CNTNAP2: variants seen among roughly 807,000 people sequenced by gnomAD.
The protein encoded by CNTNAP2 is contactin associated protein 2.
CNTNAP2 carries 98 observed loss-of-function variants against 155.2 expected under a neutral mutation model. That is an observed-to-expected ratio of 0.63 (90% CI 0.54 to 0.75). The LOEUF (loss-of-function observed/expected upper bound fraction) is 0.75. CNTNAP2 is among the 30% of genes least tolerant of loss of function. The pLI, the probability that CNTNAP2 is intolerant of heterozygous loss-of-function variation, is 0.00. For synonymous variants in CNTNAP2, 651 were observed against 631.2 expected (o/e 1.03, Z -0.47); for missense variants, 1,727 against 1,688.1 (o/e 1.02, Z -0.40).
chr7:146,646,600 G>A lies in CNTNAP2; in HGVS notation c.98-127671G>A, dbSNP rs537113913. ...CTAATTCATCCTTAAGTACATTTCC[G>A]GAAGTTCCTCTGTTGGTGGACATAT... is the stretch of plus-strand genomic sequence containing the variant. On this transcript the variant is annotated intron_variant, in intron 1 of 23. Coordinates refer to ENST00000361727, the MANE Select transcript of CNTNAP2 (RefSeq NM_014141.6). Among the ~76,000 whole-genome samples the A allele has an allele frequency of 3.0e-3, 461 of 152,052 alleles. 3 individuals are homozygous for A. The highest frequency in any genetic ancestry group is 0.011 in the African/African-American group (440 of 41,494).
chr7:147,200,256 T>G lies in CNTNAP2; in HGVS notation c.1348+67747T>G, dbSNP rs538542126. On this transcript the variant is annotated intron_variant, in intron 8 of 23. Transcript: ENST00000361727. The stretch of plus-strand genomic sequence containing the variant: ...TTAGACAGAGTAATGCCAAGACTTG[T>G]GAGAGGGCTGAGATTTCACTCTGCT... 1.3e-3 allele frequency among the ~76,000 whole-genome samples: 195 copies of G among 152,218 alleles called. 1 individual carries two copies. The highest frequency in any genetic ancestry group is 4.1e-3 in the African/African-American group (172 of 41,530).
intron 15 of CNTNAP2, among the ~76,000 whole-genome samples, chr7:148,062,322 A>G (rs1201910344): frequency 6.6e-6 from 1 of 152,152 alleles, no homozygotes; most frequent in Non-Finnish European, 1.5e-5. Flanking sequence ...AATTATGGCA[A>G]GCGATTCATT....
intron 15 of CNTNAP2, among the ~76,000 whole-genome samples, chr7:148,104,140 G>C (rs1256908256): frequency 6.6e-6 from 1 of 152,088 alleles, no homozygotes; most frequent in Non-Finnish European, 1.5e-5. Context: ...GGGTTATCTT[G>C]ATGCTTTACT....
chr7:148,271,317 A>G (rs377705681), intron 21 of CNTNAP2, among the ~76,000 whole-genome samples: 7 of 152,192 alleles, frequency 4.6e-5, no homozygotes, highest in Admixed American at 1.3e-4. Flanking sequence ...ATTCTTTATT[A>G]TGGGGCTGTC....
At chr7:148,194,607 GC>G (rs1374397941) in intron 18 of CNTNAP2, among the ~76,000 whole-genome samples, 1 of 152,106 alleles carries the variant, frequency 6.6e-6, no homozygotes, top group African/African-American at 2.4e-5. Flanking sequence ...GCCCAGGAAA[GC>G]CCATGGTGTA....
intron 10 of CNTNAP2, among the ~76,000 whole-genome samples, chr7:147,472,963 C>A (rs1244343977): frequency 6.6e-6 from 1 of 152,176 alleles, no homozygotes; most frequent in Non-Finnish European, 1.5e-5. Flanking sequence ...AAGTTTAGAG[C>A]CTTCTTAGAG....
intron 8 of CNTNAP2, among the ~76,000 whole-genome samples, chr7:147,268,163 G>A (rs963226110): frequency 2.6e-5 from 4 of 152,032 alleles, no homozygotes; most frequent in African/African-American, 9.7e-5. Context: ...AGATTAGAAT[G>A]AATCTACCAT....
At chr7:147,829,385 CTTGA>C (rs1798513054) in intron 13 of CNTNAP2, among the ~76,000 whole-genome samples, 1 of 152,126 alleles carries the variant, frequency 6.6e-6, no homozygotes, top group Admixed American at 6.6e-5. Context: ...TTTAGAAAGT[CTTGA>C]TTAAGTGTCA....
chr7:146,954,388 A>G (rs1029248324), intron 3 of CNTNAP2, among the ~76,000 whole-genome samples: 1 of 151,948 alleles, frequency 6.6e-6, no homozygotes, highest in African/African-American at 2.4e-5. Flanking sequence ...GAAAGTATGC[A>G]TAGATGAAAA....
intron 1 of CNTNAP2, among the ~76,000 whole-genome samples, chr7:146,235,260 G>A (rs1799453663): frequency 6.6e-6 from 1 of 151,394 alleles, no homozygotes; most frequent in Non-Finnish European, 1.5e-5. Flanking sequence ...TAGATTGGTG[G>A]GTTTTGGGGG....
At chr7:148,020,047 A>T (rs889689586) in intron 15 of CNTNAP2, among the ~76,000 whole-genome samples, 1 of 152,156 alleles carries the variant, frequency 6.6e-6, no homozygotes, top group Admixed American at 6.5e-5. Context: ...TTGGCCTTCC[A>T]AAGTGCTGGG....
At chr7:148,051,281 G>C (rs1285336121) in intron 15 of CNTNAP2, among the ~76,000 whole-genome samples, 1 of 152,082 alleles carries the variant, frequency 6.6e-6, no homozygotes. Context: ...TTTCTCAATA[G>C]GTAACCAAAA....
At chr7:147,855,932 T>C (rs1799028545) in intron 13 of CNTNAP2, among the ~76,000 whole-genome samples, 1 of 152,168 alleles carries the variant, frequency 6.6e-6, no homozygotes, top group South Asian at 2.1e-4. Context: ...CCTTTCCACA[T>C]GGACTATGAA....
At chr7:147,127,881 A>G (rs1370280806) in intron 6 of CNTNAP2, among the ~76,000 whole-genome samples, 1 of 152,146 alleles carries the variant, frequency 6.6e-6, no homozygotes, top group Non-Finnish European at 1.5e-5. Flanking sequence ...TTCATTTACT[A>G]CTAATTCACT....
At chr7:147,958,325 C>T (rs1287297078) in intron 14 of CNTNAP2, among the ~76,000 whole-genome samples, 2 of 151,974 alleles carry the variant, frequency 1.3e-5, no homozygotes, top group Non-Finnish European at 2.9e-5. Flanking sequence ...ATACAAATTG[C>T]TTATTTGTAG....
chr7:148,200,423 A>C (rs1039520229), intron 18 of CNTNAP2, among the ~76,000 whole-genome samples: 6 of 150,670 alleles, frequency 4.0e-5, no homozygotes, highest in Admixed American at 6.6e-5. Context: ...TTTTTTTTAA[A>C]GACCTCTGTC....
chr7:146,968,938 G>T (rs964130200), intron 3 of CNTNAP2, among the ~76,000 whole-genome samples: 19 of 146,038 alleles, frequency 1.3e-4, no homozygotes, highest in African/African-American at 3.2e-4. Flanking sequence ...GCTTTCTCTT[G>T]TGGGCATTTA....
At chr7:146,635,959 C>A (rs758614706) in intron 1 of CNTNAP2, among the ~76,000 whole-genome samples, 60 of 152,086 alleles carry the variant, frequency 3.9e-4, no homozygotes, top group Admixed American at 7.2e-4. Flanking sequence ...GTGAATGGAG[C>A]CGCCTAAAGT....
At chr7:148,079,648 CA>C (rs1218414920) in intron 15 of CNTNAP2, among the ~76,000 whole-genome samples, 1 of 152,124 alleles carries the variant, frequency 6.6e-6, no homozygotes, top group Non-Finnish European at 1.5e-5. Flanking sequence ...AGGGCCATTT[CA>C]AAAATTGCCA....
Sources: allele counts gnomAD v4.1 joint callset (sites outside exome capture counted in the v4.1 genomes callset), GRCh38; gene constraint gnomAD v4.1.1; transcripts MANE v1.5; gene names NCBI Gene and HGNC (gene_info 2026-07-23, HGNC 2026-07-21).